The following PARP12 variants were observed in gnomAD, a reference collection of about 807,000 sequenced individuals.
PARP12 encodes the protein poly(ADP-ribose) polymerase family member 12, also known as protein mono-ADP-ribosyltransferase PARP12.
A neutral mutation model predicts 72.4 loss-of-function variants in PARP12; 59 were observed. The ratio of observed to expected loss-of-function variants is 0.81; its 90% CI spans 0.66 to 1.01. The LOEUF (loss-of-function observed/expected upper bound fraction) is 1.01, where lower values mean the gene tolerates loss of function less well. Among genes scored for constraint, PARP12 ranks in the 50% least tolerant of loss-of-function variants. The pLI, the probability that PARP12 is intolerant of heterozygous loss-of-function variation, is 0.00. For missense variants in PARP12, 851 were observed against 914.0 expected (o/e 0.93, Z 0.89); for synonymous variants, 403 against 371.4 (o/e 1.09, Z -0.98).
At chr7:140,037,987 G>A (rs1236769367) in intron 6 of PARP12, 131 bp from the exon 7 acceptor site, 2 of 1,456,478 alleles carry the variant, frequency 1.4e-6, no homozygotes, top group Non-Finnish European at 1.8e-6. Flanking sequence ...TGGAGGCCAG[G>A]GAGCATGGTA....
At position 140,046,798 on chromosome 7, in the gene PARP12, C is replaced by G. The variant is rs1237955925; in HGVS notation, c.986+86G>C. ...AGGCACCTCCAGACTAGGCTGCTCA[C>G]AGTGTGTGTGTGTGTGTGTGTGTGT... On this transcript the variant is annotated intron_variant, in intron 5 of 11. Transcript: ENST00000263549. The G allele has an allele frequency of 5.1e-6, 4 of 778,038 alleles. No individual in the cohort carries two copies. In the South Asian group the frequency reaches 8.1e-5, roughly 16 times the overall value. 48.2% of individuals were successfully genotyped at this position (778,038 alleles called of 1,614,324 possible).
At chr7:140,029,457 A>G (rs1336053880) in intron 8 of PARP12, among the ~76,000 whole-genome samples, 1 of 152,226 alleles carries the variant, frequency 6.6e-6, no homozygotes, top group Non-Finnish European at 1.5e-5. Flanking sequence ...TGCTGGCATG[A>G]AACATATACC....
chr7:140,028,694 A>G lies in PARP12; in HGVS notation c.1422-6T>C. 3 of 1,596,080 alleles carry G rather than the reference A, an allele frequency of 1.9e-6. 1 individual carries two copies. The highest frequency in any genetic ancestry group is 2.6e-6 in the Non-Finnish European group (3 of 1,169,938). The stretch of plus-strand genomic sequence containing the variant: ...GGCCTGGAAACTTGGTATTGCTACA[A>G]AAATGTAAACAAAAACACGTAGACA... On this transcript the variant is annotated splice_polypyrimidine_tract_variant and splice_region_variant and intron_variant, in intron 8 of 11. Coordinates refer to ENST00000263549, the MANE Select transcript of PARP12 (RefSeq NM_022750.4).
At chr7:140,048,846 G>A (rs901347095) in intron 4 of PARP12, among the ~76,000 whole-genome samples, 6 of 152,114 alleles carry the variant, frequency 3.9e-5, no homozygotes, top group Admixed American at 6.5e-5. Flanking sequence ...CCTTGTACAC[G>A]TATACAGTCT....
chr7:140,057,305 G>A, intron 2 of PARP12, 152 bp from the exon 3 acceptor site: 1 of 756,732 alleles, frequency 1.3e-6, no homozygotes, highest in Non-Finnish European at 2.1e-6. Flanking sequence ...CACTCTAGAT[G>A]ACGGCTGCTA....
At chr7:140,060,936 TG>T (rs1242542281) in intron 1 of PARP12, among the ~76,000 whole-genome samples, 1 of 152,212 alleles carries the variant, frequency 6.6e-6, no homozygotes, top group African/African-American at 2.4e-5. Flanking sequence ...GCTTCTGACC[TG>T]AACAGCTGCC....
intron 5 of PARP12, among the ~76,000 whole-genome samples, chr7:140,045,125 G>A (rs1343713038): frequency 6.6e-6 from 1 of 151,874 alleles, no homozygotes; most frequent in African/African-American, 2.4e-5. Flanking sequence ...AAACTCCTGG[G>A]CTCAAATGGT....
chr7:140,052,732 T>TTGTGTGTGTG lies in PARP12; in HGVS notation c.862+1920_862+1929dup, dbSNP rs9340762. On this transcript the variant is annotated intron_variant, in intron 4 of 11. Coordinates refer to ENST00000263549, the MANE Select transcript of PARP12 (RefSeq NM_022750.4). ...TCCACAAACTTTCTGAAGACCCCTT[T>TTGTGTGTGTG]TGTGTGTGTGTGTGTGTGTGTGTGT... is the stretch of plus-strand genomic sequence containing the variant. Among the ~76,000 whole-genome samples, 828 of 145,800 alleles carry TTGTGTGTGTG rather than the reference T, an allele frequency of 5.7e-3. 9 individuals are homozygous for TTGTGTGTGTG. The highest frequency in any genetic ancestry group is 0.018 in the African/African-American group (707 of 39,534).
intron 7 of PARP12, 67 bp downstream of exon 7, chr7:140,037,648 G>A: frequency 4.4e-6 from 7 of 1,587,802 alleles, no homozygotes; most frequent in Non-Finnish European, 5.2e-6. Flanking sequence ...GGCTCCTCCA[G>A]GGTTAAGGTG....
At chr7:140,059,945 G>T (rs531410191) in intron 1 of PARP12, among the ~76,000 whole-genome samples, 9 of 152,224 alleles carry the variant, frequency 5.9e-5, no homozygotes, top group Admixed American at 1.3e-4. Context: ...GACAGCAAGA[G>T]AAAGGAAGAA....
chr7:140,032,278 T>TGGAAAGGAATTTGGTTTAATG (rs754415914), intron 8 of PARP12, among the ~76,000 whole-genome samples: 3 of 151,990 alleles, frequency 2.0e-5, no homozygotes, highest in Non-Finnish European at 1.5e-5. Context: ...TTCAAGCCCA[T>TGGAAAGGAATTTGGTTTAATG]GGAAAGGAAT....
intron 5 of PARP12, 92 bp downstream of exon 5, chr7:140,046,792 T>C: frequency 9.8e-7 from 1 of 1,023,704 alleles, no homozygotes; most frequent in South Asian, 1.8e-5. Flanking sequence ...CAGACTAGGC[T>C]GCTCACAGTG....
Position 140,062,929 on chromosome 7 carries a change from G to A in PARP12, c.-82C>T, listed in dbSNP as rs1817539212. On this transcript the variant is annotated 5_prime_UTR_variant, in exon 1 of 12. Coordinates refer to ENST00000263549, the MANE Select transcript of PARP12 (RefSeq NM_022750.4). ...CGCTGGCTGGCGGGCGGCTCTCGCA[G>A]GGTGGAGACGCCGGCGGGAAACGAA... 2 of 1,111,004 alleles carry A rather than the reference G, an allele frequency of 1.8e-6. No individual in the cohort carries two copies. Among genetic ancestry groups the A allele is most frequent in the Non-Finnish European group, 1.1e-6 (1 of 887,212 alleles). The allele number at this position is 1,111,004 out of a possible 1,614,324, so 68.8% of individuals were successfully genotyped here. A position where few individuals can be genotyped will look rare whatever the true frequency, so the allele number is the denominator to read the frequency against.
At chr7:140,057,633 C>T (rs1817242440) in intron 2 of PARP12, 1 of 481,976 alleles carries the variant, frequency 2.1e-6, no homozygotes, top group Non-Finnish European at 3.7e-6. Flanking sequence ...CAATGGAGCA[C>T]ACTGAGAGGC....
chr7:140,027,060 T>C, intron 10 of PARP12, among the ~76,000 whole-genome samples: 1 of 152,182 alleles, frequency 6.6e-6, no homozygotes, highest in Non-Finnish European at 1.5e-5. Flanking sequence ...CCAGGTGGTA[T>C]GCTCCAGGAA....
intron 6 of PARP12, 21 bp downstream of exon 6, chr7:140,041,623 C>A: frequency 6.2e-7 from 1 of 1,605,864 alleles, no homozygotes; most frequent in Non-Finnish European, 8.5e-7. Context: ...AAAACATTCA[C>A]CCTCTTTCCA....
At chr7:140,035,595 C>G (rs570229692) in intron 7 of PARP12, among the ~76,000 whole-genome samples, 1 of 152,294 alleles carries the variant, frequency 6.6e-6, no homozygotes, top group South Asian at 2.1e-4. Flanking sequence ...CTGGCATTTG[C>G]CTTGAGTGAA....
At chr7:140,043,007 AAC>A (rs1252075999) in intron 5 of PARP12, among the ~76,000 whole-genome samples, 1 of 152,180 alleles carries the variant, frequency 6.6e-6, no homozygotes, top group Non-Finnish European at 1.5e-5. Context: ...CATCCTGGCT[AAC>A]ACAGTGAAAC....
At position 140,050,305 on chromosome 7, in the gene PARP12, C is replaced by G. The variant is rs1460815388; in HGVS notation, c.863-3298G>C. ...TGGGAGCCCCTGGCAGAGGCACTCC[C>G]TTCCCCTAACTTGCTTGTGTGAAGG... On this transcript the variant is annotated intron_variant, in intron 4 of 11. Transcript: ENST00000263549. 2.0e-5 allele frequency among the ~76,000 whole-genome samples: 3 copies of G among 152,314 alleles called. No individual in the cohort carries two copies. In the East Asian group the frequency reaches 5.8e-4, roughly 29 times the overall value.
Sources: gnomAD v4.1 joint callset for allele counts (sites outside exome capture counted in the v4.1 genomes callset) on GRCh38, gnomAD v4.1.1 for gene constraint, MANE v1.5 for transcripts, NCBI Gene and HGNC (gene_info 2026-07-23, HGNC 2026-07-21) for gene names.